Variants in CPD observed in about 807,000 individuals in gnomAD.
CPD encodes carboxypeptidase D.
Under a neutral mutation model 138.3 loss-of-function variants are expected in CPD, and 69 were observed. The ratio of observed to expected loss-of-function variants is 0.50; its 90% CI spans 0.41 to 0.61. CPD has a LOEUF of 0.61. Ranked by LOEUF, CPD falls within the 20% of genes least tolerant of loss-of-function variation. The probability of loss-of-function intolerance (pLI) is 0.00; values close to 1 mark genes in which losing one functional copy is unlikely to be tolerated. For synonymous variants in CPD, 651 were observed against 642.1 expected (o/e 1.01, Z -0.21); for missense variants, 1,432 against 1,733.3 (o/e 0.83, Z 3.09).
rs138963402 is a variant in CPD, at chr17:30,457,809, G to A, written c.3498+1283G>A. ...GCCTCCTGAGTAGCCAAGACCACCC[G>A]CATGCACCACCATGCTGAACCAATT... On this transcript the variant is annotated intron_variant, in intron 17 of 20. Coordinates refer to ENST00000225719, the MANE Select transcript of CPD (RefSeq NM_001304.5). Among the ~76,000 whole-genome samples, 64 of 152,020 alleles carry A rather than the reference G, an allele frequency of 4.2e-4. 3 individuals are homozygous for A. The East Asian group carries it at 9.5e-3, about 23-fold the overall frequency.
chr17:30,455,552 T>C (rs1913270853), intron 15 of CPD, 82 bp downstream of exon 15: 8 of 1,482,540 alleles, frequency 5.4e-6, no homozygotes, highest in Non-Finnish European at 6.4e-6. Flanking sequence ...TCCACATTTT[T>C]ATAAATAGTG....
intron 2 of CPD, among the ~76,000 whole-genome samples, chr17:30,409,470 G>T (rs8080064): frequency 0.52 from 78,812 of 151,938 alleles, 21,112 homozygotes; most frequent in East Asian, 0.82. Flanking sequence ...AGAATTCAGC[G>T]GTGAATCCCT....
intron 8 of CPD, 69 bp downstream of exon 8, chr17:30,431,950 C>A: frequency 4.6e-6 from 5 of 1,075,372 alleles, no homozygotes; most frequent in Non-Finnish European, 5.4e-6. Flanking sequence ...CTTTAAAGTC[C>A]TGCAAGACTC....
At chr17:30,461,366 AC>A in intron 18 of CPD, 55 bp downstream of exon 18, 1 of 1,355,934 alleles carries the variant, frequency 7.4e-7, no homozygotes, top group Non-Finnish European at 9.7e-7. Flanking sequence ...TTCAGTGAAA[AC>A]CTTTATCAAA....
intron 14 of CPD, among the ~76,000 whole-genome samples, 170 bp downstream of exon 14, chr17:30,452,016 A>G (rs571880367): frequency 6.6e-6 from 1 of 152,242 alleles, no homozygotes; most frequent in Non-Finnish European, 1.5e-5. Context: ...ATTTTTCTCC[A>G]TTATTATTTG....
chr17:30,437,133 G>A (rs9916242), intron 8 of CPD, among the ~76,000 whole-genome samples: 73,935 of 150,624 alleles, frequency 0.49, 18,723 homozygotes, highest in East Asian at 0.82. Flanking sequence ...GTGGGGAGTA[G>A]GGGTTGGGGA....
chr17:30,422,768 C>G lies in CPD; in HGVS notation c.1402C>G (p.Pro468Ala). The G allele has an allele frequency of 6.2e-6, 10 of 1,613,906 alleles. No individual in the cohort carries two copies. The highest frequency in any genetic ancestry group is 7.6e-6 in the Non-Finnish European group (9 of 1,179,926). Reference protein sequence around the residue: ...SLRPTVTSVIPDTTEAVSTAS... With the variant: ...SLRPTVTSVIADTTEAVSTAS... ...TAGGCCAACTGTAACTTCAGTAATC[C>G]CTGACACGACAGAGGCTGTATCAAC... The change falls in exon 5 of 21, where the codon CCT becomes GCT. Residue 468 changes from proline (P) to alanine (A), a missense_variant. By Grantham distance (27) the Pro-to-Ala change is conservative. Transcript: ENST00000225719.
In CPD at chr17:30,427,509, G is replaced by A. The variant is rs747643711; in HGVS notation, c.1968G>A (p.Met656Ile). The A allele has an allele frequency of 6.2e-7, 1 of 1,614,136 alleles. No individual in the cohort carries two copies. Among genetic ancestry groups the A allele is most frequent in the South Asian group, 1.1e-5 (1 of 91,078 alleles). Residue 656 changes from methionine to isoleucine, a missense_variant, in exon 7 of 21, where the codon ATG becomes ATA. Around this residue, in one of 6 missense-constraint regions of CPD, gnomAD observed 297 missense variants for 405.3 expected, o/e 0.73. Transcript: ENST00000225719. ...DPTQPETIAV[M>I]SWMKSYPFVL... ...CGCAACCAGAAACTATTGCTGTAAT[G>A]AGCTGGATGAAGTCCTATCCATTTG...
rs970768830 is a variant in CPD at position 30,451,706 on chromosome 17, T to C, written c.3070-5T>C. The C allele has an allele frequency of 6.2e-7, 1 of 1,612,170 alleles. No homozygotes were observed. Among genetic ancestry groups the C allele is most frequent in the Admixed American group, 1.7e-5 (1 of 59,658 alleles). On this transcript the variant is annotated splice_polypyrimidine_tract_variant and splice_region_variant and intron_variant, in intron 13 of 20. Transcript: ENST00000225719. ...GTAACTCGTTAATTTCTGTTTGTGC[T>C]TCAGTTGGTTGACAGGACTAGGATT...
At chr17:30,402,664 A>G (rs1911704894) in intron 2 of CPD, among the ~76,000 whole-genome samples, 1 of 152,226 alleles carries the variant, frequency 6.6e-6, no homozygotes, top group Admixed American at 6.5e-5. Context: ...CATCTGTGTC[A>G]CATTGGAGTT....
At chr17:30,434,145 G>A (rs1241942374) in intron 8 of CPD, among the ~76,000 whole-genome samples, 1 of 152,136 alleles carries the variant, frequency 6.6e-6, no homozygotes, top group Non-Finnish European at 1.5e-5. Flanking sequence ...CATCTGAGCA[G>A]CCAAAGACAA....
chr17:30,398,698 TAAATGTTAA>T (rs1911574779), intron 2 of CPD, among the ~76,000 whole-genome samples: 2 of 152,044 alleles, frequency 1.3e-5, no homozygotes, highest in African/African-American at 4.8e-5. Context: ...TTCAGAAAAA[TAAATGTTAA>T]GTTTAACATA....
At chr17:30,393,566 T>G (rs1054731003) in intron 2 of CPD, among the ~76,000 whole-genome samples, 2 of 152,204 alleles carry the variant, frequency 1.3e-5, no homozygotes, top group Admixed American at 1.3e-4. Flanking sequence ...ATAGGCCTCT[T>G]TCAGAACTAG....
chr17:30,393,637 G>T (rs1381781886), intron 2 of CPD, among the ~76,000 whole-genome samples: 1 of 152,094 alleles, frequency 6.6e-6, no homozygotes, highest in Non-Finnish European at 1.5e-5. Context: ...CAGTGGATTT[G>T]AATAACATAA....
chr17:30,457,235 C>A (rs535126987), intron 17 of CPD, among the ~76,000 whole-genome samples: 1 of 152,236 alleles, frequency 6.6e-6, no homozygotes, highest in African/African-American at 2.4e-5. Context: ...CAATATTTAC[C>A]CTTTCACTTA....
At chr17:30,417,538 C>T (rs1240001925) in intron 2 of CPD, among the ~76,000 whole-genome samples, 2 of 152,116 alleles carry the variant, frequency 1.3e-5, no homozygotes, top group Non-Finnish European at 2.9e-5. Context: ...CTGTTAATGG[C>T]ATCATCATTA....
chr17:30,379,343 T>A lies in CPD; in HGVS notation c.363T>A (p.Ala121=). The A allele has an allele frequency of 1.3e-6, 2 of 1,494,804 alleles. No homozygotes were observed. Among genetic ancestry groups the A allele is most frequent in the South Asian group, 1.3e-5 (1 of 79,774 alleles). 92.6% of individuals were successfully genotyped at this position (1,494,804 alleles called of 1,614,324 possible). A position where few individuals can be genotyped will look rare whatever the true frequency, so the allele number is the denominator to read the frequency against. The change falls in exon 1 of 21, where the codon GCT becomes GCA. Residue 121 remains alanine, a synonymous_variant. Coordinates refer to ENST00000225719, the MANE Select transcript of CPD (RefSeq NM_001304.5). The surrounding 1 kb of genome is among the most constrained non-coding windows in gnomAD (Gnocchi z 7.0). ...DAGPDAAGPD[A]AGPLLPGRPQ... ...GGCCTGACGCTGCCGGGCCCGACGC[T>A]GCGGGGCCGCTGCTGCCCGGCCGGC...
intron 8 of CPD, among the ~76,000 whole-genome samples, chr17:30,438,000 C>CTTTTTT (rs963626144): frequency 9.2e-4 from 82 of 89,462 alleles, no homozygotes; most frequent in East Asian, 1.3e-3. Flanking sequence ...CCATGTGTGG[C>CTTTTTT]TTTTTTTTTT....
At chr17:30,409,489 G>A (rs1029400237) in intron 2 of CPD, among the ~76,000 whole-genome samples, 2 of 152,104 alleles carry the variant, frequency 1.3e-5, no homozygotes, top group Non-Finnish European at 2.9e-5. Flanking sequence ...CTCTGCTCCT[G>A]GACTTTATTT....
Sources: allele counts gnomAD v4.1 joint callset (sites outside exome capture counted in the v4.1 genomes callset), GRCh38; gene constraint gnomAD v4.1.1; regional missense constraint gnomAD v4.1.1; non-coding constraint Gnocchi (gnomAD v3.1); transcripts MANE v1.5; gene names NCBI Gene and HGNC (gene_info 2026-07-23, HGNC 2026-07-21).